The following ACTR3C variants were observed in gnomAD, a reference collection of about 807,000 sequenced individuals.
ACTR3C encodes the protein actin related protein 3C.
ACTR3C carries 18 observed loss-of-function variants against 26.3 expected under a neutral mutation model. The ratio of observed to expected loss-of-function variants is 0.68; its 90% CI spans 0.47 to 1.01. The LOEUF is 1.01. Ranked by LOEUF, ACTR3C falls within the 50% of genes least tolerant of loss-of-function variation. ACTR3C has a pLI of 0.00. For missense variants in ACTR3C, 184 were observed against 250.7 expected (o/e 0.73, Z 1.80); for synonymous variants, 55 against 94.5 (o/e 0.58, Z 2.42).
the ACTR3C span, among the ~76,000 whole-genome samples, chr7:150,035,568 G>C: frequency 1.5e-5 from 2 of 134,232 alleles, no homozygotes; most frequent in Admixed American, 1.4e-4. Flanking sequence ...GCAGAGCCGG[G>C]GGGGAAGAGG....
At chr7:150,064,400 G>A in the ACTR3C span, among the ~76,000 whole-genome samples, 480 of 139,356 alleles carry the variant, frequency 3.4e-3, 5 homozygotes, top group African/African-American at 0.012. Context: ...CCAACCCCCC[G>A]CTAAAAATAT....
chr7:149,960,667 A>G, the ACTR3C span, among the ~76,000 whole-genome samples: 1 of 152,128 alleles, frequency 6.6e-6, no homozygotes, highest in African/African-American at 2.4e-5. Flanking sequence ...CAATCCTTCT[A>G]TGTAAGTGCC....
At chr7:150,080,269 C>T in the ACTR3C span, among the ~76,000 whole-genome samples, 6 of 150,884 alleles carry the variant, frequency 4.0e-5, no homozygotes, top group African/African-American at 7.3e-5. Context: ...CTTCTCCAAC[C>T]GTTTATTCTT....
chr7:150,025,637 T>C, the ACTR3C span, among the ~76,000 whole-genome samples: 1 of 152,044 alleles, frequency 6.6e-6, no homozygotes, highest in Admixed American at 6.5e-5. Context: ...TAATAAAATG[T>C]TTTTAGCGGA....
chr7:150,135,223 G>A, the ACTR3C span, among the ~76,000 whole-genome samples: 2,448 of 151,678 alleles, frequency 0.016, 65 homozygotes, highest in African/African-American at 0.055. Context: ...AGTGAGCTGA[G>A]ATCGCGCCAC....
the ACTR3C span, among the ~76,000 whole-genome samples, chr7:150,110,853 G>A: frequency 1.0e-5 from 1 of 96,066 alleles, no homozygotes; most frequent in South Asian, 4.0e-4. Flanking sequence ...TGGGGGTGTG[G>A]CTCTTAGGGG....
At chr7:149,956,545 C>T in the ACTR3C span, among the ~76,000 whole-genome samples, 2 of 152,210 alleles carry the variant, frequency 1.3e-5, no homozygotes, top group East Asian at 1.9e-4. Context: ...TTGTGGTAAT[C>T]CATCAGAGTA....
At chr7:150,033,930 C>G in the ACTR3C span, among the ~76,000 whole-genome samples, 62 of 151,186 alleles carry the variant, frequency 4.1e-4, no homozygotes, top group Admixed American at 3.6e-3. Flanking sequence ...GTGCCTCCCC[C>G]CCTGCGATGG....
At chr7:149,944,537 C>A in the ACTR3C span, among the ~76,000 whole-genome samples, 1 of 150,684 alleles carries the variant, frequency 6.6e-6, no homozygotes, top group Admixed American at 6.6e-5. Context: ...CCAGAGAGCA[C>A]CTGTTCTCTC....
chr7:150,085,003 G>A, the ACTR3C span, among the ~76,000 whole-genome samples: 1 of 152,152 alleles, frequency 6.6e-6, no homozygotes. Context: ...TAAATGAGGT[G>A]AAAGGGAAAG....
intron 1 of ACTR3C, among the ~76,000 whole-genome samples, chr7:150,320,063 A>G (rs1283437676): frequency 6.6e-6 from 1 of 152,156 alleles, no homozygotes; most frequent in Non-Finnish European, 1.5e-5. Context: ...GTGTTTCTGG[A>G]TTAACGCTGG....
At chr7:150,113,882 CA>C in the ACTR3C span, among the ~76,000 whole-genome samples, 3 of 151,904 alleles carry the variant, frequency 2.0e-5, no homozygotes, top group African/African-American at 7.3e-5. Context: ...CCTTTTATCT[CA>C]CAGCTTCATT....
chr7:150,135,659 C>A, the ACTR3C span, among the ~76,000 whole-genome samples: 1 of 152,072 alleles, frequency 6.6e-6, no homozygotes, highest in Admixed American at 6.5e-5. Flanking sequence ...CACGGTTACA[C>A]ACCAAGGAAA....
chr7:149,892,918 G>C, the ACTR3C span, among the ~76,000 whole-genome samples: 36 of 150,432 alleles, frequency 2.4e-4, no homozygotes, highest in African/African-American at 8.7e-4. Flanking sequence ...GAATGTTATT[G>C]GTTAATATCT....
the ACTR3C span, among the ~76,000 whole-genome samples, chr7:150,216,111 T>C: frequency 6.6e-6 from 1 of 150,838 alleles, no homozygotes; most frequent in Non-Finnish European, 1.5e-5. Flanking sequence ...AAGGAGATAC[T>C]CTTGAAAGCA....
downstream of ACTR3C, chr7:150,245,063 C>A (rs536921164): frequency 6.6e-6 from 1 of 152,190 alleles, no homozygotes; most frequent in African/African-American, 2.4e-5. Flanking sequence ...CAGTAATAAC[C>A]GAGTAGCAAC....
chr7:150,015,709 C>T, the ACTR3C span, among the ~76,000 whole-genome samples: 1 of 152,202 alleles, frequency 6.6e-6, no homozygotes, highest in African/African-American at 2.4e-5. Context: ...CACCACGGAT[C>T]ATGAACCAAG....
At chr7:149,937,481 T>C in the ACTR3C span, among the ~76,000 whole-genome samples, 1 of 152,116 alleles carries the variant, frequency 6.6e-6, no homozygotes, top group Non-Finnish European at 1.5e-5. Context: ...TTATTTCCTC[T>C]TTACTGCTGA....
the ACTR3C span, among the ~76,000 whole-genome samples, chr7:150,037,038 G>A: frequency 2.9e-4 from 31 of 107,892 alleles, no homozygotes; most frequent in Non-Finnish European, 4.8e-4. Context: ...GGCGGAAGAG[G>A]GGATAGCTCT....
Sources: gnomAD v4.1 joint callset for allele counts (sites outside exome capture counted in the v4.1 genomes callset) on GRCh38, gnomAD v4.1.1 for gene constraint, MANE v1.5 for transcripts, NCBI Gene and HGNC (gene_info 2026-07-23, HGNC 2026-07-21) for gene names.